Variants in HADHB observed in about 807,000 individuals in gnomAD.
The protein encoded by HADHB is hydroxyacyl-CoA dehydrogenase trifunctional multienzyme complex subunit beta, also known as trifunctional enzyme subunit beta, mitochondrial.
HADHB carries 50 observed loss-of-function variants against 61.9 expected under a neutral mutation model. The observed-to-expected ratio is 0.81, with a 90% confidence interval of 0.64 to 1.02. HADHB has a LOEUF of 1.02. Among genes scored for constraint, HADHB ranks in the 50% least tolerant of loss-of-function variants. HADHB has a pLI of 0.00. For missense variants in HADHB, 504 were observed against 586.5 expected, an observed-to-expected ratio of 0.86 and a Z score of 1.45; for synonymous variants, 191 against 201.6, an observed-to-expected ratio of 0.95 and a Z score of 0.45.
In HADHB at chr2:26,248,751, A is replaced by C. The variant is rs527457337; in HGVS notation, c.-9+3761A>C. On this transcript the variant is annotated intron_variant, in intron 1 of 15. Transcript: ENST00000317799. ...AAATGATACCTTGCTTTGATTTAAA[A>C]AACAACAACAACAACAACAAAAAGG... 1.5e-3 allele frequency among the ~76,000 whole-genome samples: 221 copies of C among 152,212 alleles called. 1 individual carries two copies. The highest frequency in any genetic ancestry group is 1.8e-3 in the Non-Finnish European group (121 of 68,002).
chr2:26,279,396 C>T (rs1047127105), intron 9 of HADHB, 81 bp downstream of exon 9: 4 of 997,440 alleles, frequency 4.0e-6, no homozygotes, highest in Non-Finnish European at 6.4e-6. Context: ...GTGATTTTTC[C>T]ATAAGTATGT....
chr2:26,258,335 T>G (rs1671716072), intron 3 of HADHB, among the ~76,000 whole-genome samples: 1 of 152,144 alleles, frequency 6.6e-6, no homozygotes, highest in African/African-American at 2.4e-5. Context: ...TTCCAAGGAA[T>G]GGAACCTTGG....
intron 3 of HADHB, among the ~76,000 whole-genome samples, chr2:26,263,076 G>C (rs1476184260): frequency 6.6e-6 from 1 of 152,144 alleles, no homozygotes; most frequent in Non-Finnish European, 1.5e-5. Flanking sequence ...GAGGCGGGCA[G>C]ATCACCTGAG....
At chr2:26,270,233 A>G (rs1672282385) in intron 5 of HADHB, among the ~76,000 whole-genome samples, 1 of 152,206 alleles carries the variant, frequency 6.6e-6, no homozygotes, top group Non-Finnish European at 1.5e-5. Flanking sequence ...AACACAATAC[A>G]TATATTTGAT....
chr2:26,273,538 G>A lies in HADHB; in HGVS notation c.255-113G>A. The stretch of plus-strand genomic sequence containing the variant: ...AAATTAAAGAAAAGATACAGTCTCT[G>A]TCCTTTTAAATTCAAGGCTAACCTT... On this transcript the variant is annotated intron_variant, in intron 5 of 15. Transcript: ENST00000317799. 5.6e-6 allele frequency: 4 copies of A among 720,460 alleles called. No homozygotes were observed. The South Asian group carries it at 5.9e-5, about 11-fold the overall frequency. The allele number at this position is 720,460 out of a possible 1,614,324, so 44.6% of individuals were successfully genotyped here.
chr2:26,282,641 C>G (rs925909089), intron 10 of HADHB, among the ~76,000 whole-genome samples: 1 of 152,208 alleles, frequency 6.6e-6, no homozygotes. Flanking sequence ...ACAGCCTTCT[C>G]TACCCTCATC....
At chr2:26,284,391 T>C (rs1672930504) in intron 13 of HADHB, among the ~76,000 whole-genome samples, 187 bp downstream of exon 13, 1 of 152,006 alleles carries the variant, frequency 6.6e-6, no homozygotes, top group South Asian at 2.1e-4. Context: ...ACATACAGTG[T>C]TGGAGAACAT....
At chr2:26,262,935 A>G (rs1321059413) in intron 3 of HADHB, among the ~76,000 whole-genome samples, 1 of 152,178 alleles carries the variant, frequency 6.6e-6, no homozygotes, top group East Asian at 1.9e-4. Flanking sequence ...AAAAAATTAA[A>G]GTGGTTTAGT....
At chr2:26,277,847 T>C (rs1260830656) in intron 7 of HADHB, among the ~76,000 whole-genome samples, 1 of 152,226 alleles carries the variant, frequency 6.6e-6, no homozygotes, top group Non-Finnish European at 1.5e-5. Flanking sequence ...CACAAAGATA[T>C]GGTCTTCCTT....
At chr2:26,246,955 T>G (rs1008243246) in intron 1 of HADHB, among the ~76,000 whole-genome samples, 1 of 152,026 alleles carries the variant, frequency 6.6e-6, no homozygotes, top group Admixed American at 6.5e-5. Flanking sequence ...TGTGCGTGCG[T>G]GTGTGTGTGT....
At chr2:26,277,598 A>C (rs191354046) in intron 7 of HADHB, among the ~76,000 whole-genome samples, 1 of 152,192 alleles carries the variant, frequency 6.6e-6, no homozygotes, top group African/African-American at 2.4e-5. Context: ...TTTTTTAAAA[A>C]GTAAGGTCAG....
chr2:26,287,632 A>T (rs913436119), intron 15 of HADHB, among the ~76,000 whole-genome samples: 1 of 152,242 alleles, frequency 6.6e-6, no homozygotes, highest in African/African-American at 2.4e-5. Context: ...GATAAGATGC[A>T]TCTGAGAAAC....
chr2:26,285,945 C>T (rs1673017955), intron 15 of HADHB, among the ~76,000 whole-genome samples: 1 of 151,630 alleles, frequency 6.6e-6, no homozygotes, highest in African/African-American at 2.4e-5. Flanking sequence ...GCCATGTTGG[C>T]CAGGCTAGTC....
chr2:26,259,677 T>TGC (rs1671781656), intron 3 of HADHB, among the ~76,000 whole-genome samples: 1 of 152,252 alleles, frequency 6.6e-6, no homozygotes, highest in Admixed American at 6.5e-5. Context: ...TTTTTAAATG[T>TGC]GCCTTGTAGA....
intron 1 of HADHB, among the ~76,000 whole-genome samples, chr2:26,248,439 G>A (rs1374863478): frequency 1.3e-5 from 2 of 151,300 alleles, no homozygotes; most frequent in Non-Finnish European, 2.9e-5. Context: ...GGAGTTCAGT[G>A]GCGTAAGCCA....
chr2:26,286,661 C>T (rs529519120), intron 15 of HADHB, among the ~76,000 whole-genome samples: 2 of 151,946 alleles, frequency 1.3e-5, no homozygotes, highest in South Asian at 4.2e-4. Context: ...CACCACCAAG[C>T]CCGGGCAATT....
intron 3 of HADHB, among the ~76,000 whole-genome samples, chr2:26,258,496 G>A (rs1335782171): frequency 1.3e-5 from 2 of 152,220 alleles, no homozygotes; most frequent in Non-Finnish European, 2.9e-5. Flanking sequence ...AACAGGAATG[G>A]CACTGGGTGC....
At position 26,289,910 on chromosome 2, in the gene HADHB, C is replaced by G. The variant is rs1558364969; in HGVS notation, c.1390-8C>G. The stretch of plus-strand genomic sequence containing the variant: ...CATTGCTCTAATTGGACTTTGTTTT[C>G]TTTACAGGGCCATGCTATGATAGTG... On this transcript the variant is annotated splice_region_variant and splice_polypyrimidine_tract_variant and intron_variant, in intron 15 of 15. Coordinates refer to ENST00000317799, the MANE Select transcript of HADHB (RefSeq NM_000183.3). 6.3e-7 allele frequency: 1 copy of G among 1,599,126 alleles called. No homozygotes were observed. The highest frequency in any genetic ancestry group is 1.7e-5 in the Admixed American group (1 of 60,004).
chr2:26,261,251 A>G (rs1671854960), intron 3 of HADHB: 2 of 493,022 alleles, frequency 4.1e-6, no homozygotes, highest in South Asian at 7.2e-5. Context: ...AGTATCTTTT[A>G]TTGTTAAAGA....
Sources: gnomAD v4.1 joint callset for allele counts (sites outside exome capture counted in the v4.1 genomes callset) on GRCh38, gnomAD v4.1.1 for gene constraint, MANE v1.5 for transcripts, NCBI Gene and HGNC (gene_info 2026-07-23, HGNC 2026-07-21) for gene names.